Variants in FAM53A observed in about 807,000 individuals in gnomAD.
FAM53A encodes the protein family with sequence similarity 53 member A, also known as protein FAM53A.
FAM53A carries 28 observed loss-of-function variants against 26.6 expected under a neutral mutation model. That is an observed-to-expected ratio of 1.05 (90% CI 0.78 to 1.45). FAM53A has a LOEUF of 1.45. FAM53A is among the 40% of genes most tolerant of loss of function. The pLI, the probability that FAM53A is intolerant of heterozygous loss-of-function variation, is 0.00. For synonymous variants in FAM53A, 290 were observed against 253.1 expected, an observed-to-expected ratio of 1.15 and a Z score of -1.38; for missense variants, 650 against 575.8, an observed-to-expected ratio of 1.13 and a Z score of -1.32.
chr4:1,667,551 C>A (rs959236025), intron 2 of FAM53A, among the ~76,000 whole-genome samples: 14 of 152,246 alleles, frequency 9.2e-5, no homozygotes, highest in African/African-American at 3.1e-4. Context: ...ATGCCACCTC[C>A]CACAGCCCAA....
At chr4:1,585,486 A>G in the FAM53A span, among the ~76,000 whole-genome samples, 1 of 151,822 alleles carries the variant, frequency 6.6e-6, no homozygotes, top group Non-Finnish European at 1.5e-5. Flanking sequence ...GTTTCACCAC[A>G]TTGGCCAGGC....
At position 1,657,465 on chromosome 4, in the gene FAM53A, G is replaced by C. The variant is rs1445686561; in HGVS notation, c.79C>G (p.Gln27Glu). 2.5e-6 allele frequency: 4 copies of C among 1,613,680 alleles called. No individual in the cohort carries two copies. Among genetic ancestry groups the C allele is most frequent in the Non-Finnish European group, 3.4e-6 (4 of 1,179,804 alleles). Residue 27 changes from glutamine (Q) to glutamate (E), a missense_variant, in exon 3 of 5, where the codon CAG becomes GAG. Gln to Glu is a conservative substitution (Grantham distance 29). Transcript: ENST00000308132. ...LTCKAEAGPL[Q>E]YSAETLNKSG... Reference sequence around the variant, plus strand: ...TTGTTCAGGGTTTCCGCAGAATACTGCAACTGACAGGAAAGAGAAGTTTCA... The same window carrying C: ...TTGTTCAGGGTTTCCGCAGAATACTCCAACTGACAGGAAAGAGAAGTTTCA...
At chr4:1,653,251 G>A (rs1183753037) in intron 4 of FAM53A, among the ~76,000 whole-genome samples, 1 of 152,138 alleles carries the variant, frequency 6.6e-6, no homozygotes, top group Non-Finnish European at 1.5e-5. Flanking sequence ...GGTCTGGCGA[G>A]TCCTTGCCTC....
the FAM53A span, among the ~76,000 whole-genome samples, chr4:1,610,927 G>A: frequency 6.6e-6 from 1 of 152,172 alleles, no homozygotes; most frequent in Non-Finnish European, 1.5e-5. Flanking sequence ...CAGCACACCC[G>A]AGGCCCTCAG....
At chr4:1,670,589 G>C (rs971042293) in intron 1 of FAM53A, among the ~76,000 whole-genome samples, 3 of 152,150 alleles carry the variant, frequency 2.0e-5, no homozygotes, top group Non-Finnish European at 1.5e-5. Flanking sequence ...CTGAAATCGC[G>C]TGCTCAGCAC....
At chr4:1,682,514 G>A (rs1429639201) in intron 1 of FAM53A, among the ~76,000 whole-genome samples, 2 of 152,084 alleles carry the variant, frequency 1.3e-5, no homozygotes, top group African/African-American at 4.8e-5. Flanking sequence ...GCCCGCCTCG[G>A]CCTCTCAAAG....
At chr4:1,576,382 C>T in the FAM53A span, among the ~76,000 whole-genome samples, 17 of 152,298 alleles carry the variant, frequency 1.1e-4, no homozygotes, top group African/African-American at 4.1e-4. Context: ...TATTCCATAA[C>T]CGTGATTTGA....
the FAM53A span, among the ~76,000 whole-genome samples, chr4:1,579,429 C>A: frequency 2.6e-5 from 4 of 152,100 alleles, no homozygotes; most frequent in African/African-American, 7.2e-5. Flanking sequence ...CCTGCGCCAC[C>A]CCCCCGCCCT....
At chr4:1,637,256 C>T (rs1180027100), downstream of FAM53A, among the ~76,000 whole-genome samples, 4 of 152,246 alleles carry the variant, frequency 2.6e-5, no homozygotes, top group Admixed American at 6.5e-5. Flanking sequence ...TAGACAAGCA[C>T]GGGGCCTGTG....
At chr4:1,644,406 A>C (rs1259884329) in intron 4 of FAM53A, 1 of 1,513,090 alleles carries the variant, frequency 6.6e-7, no homozygotes, top group Non-Finnish European at 8.8e-7. Context: ...AGGAGAAAAA[A>C]CTTCTGCCCA....
chr4:1,598,365 G>A, the FAM53A span, among the ~76,000 whole-genome samples: 17 of 152,256 alleles, frequency 1.1e-4, no homozygotes, highest in Non-Finnish European at 2.4e-4. Context: ...TTGGCCCGGA[G>A]GGGCACGGAC....
intron 1 of FAM53A, among the ~76,000 whole-genome samples, chr4:1,633,582 G>A (rs909850911): frequency 6.6e-6 from 1 of 152,076 alleles, no homozygotes; most frequent in Non-Finnish European, 1.5e-5. Context: ...TGAAGATAAA[G>A]GCAGAATTAA....
chr4:1,599,045 C>T, the FAM53A span, among the ~76,000 whole-genome samples: 1 of 152,254 alleles, frequency 6.6e-6, no homozygotes, highest in Admixed American at 6.5e-5. This position sits in a 1 kb window ranked among gnomAD's most constrained non-coding sequence, Gnocchi z 6.1. Flanking sequence ...TCCCTCCTGG[C>T]CTGGCAGACC....
chr4:1,672,749 C>A (rs1482570886), intron 1 of FAM53A, among the ~76,000 whole-genome samples: 2 of 140,420 alleles, frequency 1.4e-5, no homozygotes, highest in African/African-American at 5.4e-5. Context: ...AACACAGGAA[C>A]CTGAATTTCC....
chr4:1,593,271 C>T, the FAM53A span, among the ~76,000 whole-genome samples: 1 of 151,938 alleles, frequency 6.6e-6, no homozygotes, highest in African/African-American at 2.4e-5. Context: ...GCACCCACGT[C>T]CCCGCGCGCC....
chr4:1,614,162 C>T (rs544811351), downstream of FAM53A, among the ~76,000 whole-genome samples: 7 of 152,296 alleles, frequency 4.6e-5, no homozygotes, highest in South Asian at 1.5e-3. Flanking sequence ...CCGGCAAGGA[C>T]AGGAGGATTG....
chr4:1,640,497 C>G lies in FAM53A; in HGVS notation c.*796G>C. 1 of 301,870 alleles carries G rather than the reference C, an allele frequency of 3.3e-6. No homozygotes were observed. The highest frequency in any genetic ancestry group is 6.2e-6 in the Non-Finnish European group (1 of 160,798). 18.7% of individuals were successfully genotyped at this position (301,870 alleles called of 1,614,324 possible). On this transcript the variant is annotated 3_prime_UTR_variant, in exon 5 of 5. Transcript: ENST00000308132. ...GATTCATGTTTAATAGAACGCCCTTCTGAAATGCATCCAAAATAGAGAAGC... is the reference window on the plus strand; with the variant it reads ...GATTCATGTTTAATAGAACGCCCTTGTGAAATGCATCCAAAATAGAGAAGC...
the FAM53A span, among the ~76,000 whole-genome samples, chr4:1,597,519 T>C: frequency 2.0e-5 from 3 of 152,306 alleles, no homozygotes; most frequent in African/African-American, 7.2e-5. Context: ...GTGTGCCCCC[T>C]GCCTGCTCCA....
chr4:1,575,656 G>T, the FAM53A span, among the ~76,000 whole-genome samples: 1 of 152,106 alleles, frequency 6.6e-6, no homozygotes, highest in African/African-American at 2.4e-5. Flanking sequence ...ATACTGAGTG[G>T]CAGAGGAAGG....
Sources: allele counts gnomAD v4.1 joint callset (sites outside exome capture counted in the v4.1 genomes callset), GRCh38; gene constraint gnomAD v4.1.1; non-coding constraint Gnocchi (gnomAD v3.1); transcripts MANE v1.5; gene names NCBI Gene and HGNC (gene_info 2026-07-23, HGNC 2026-07-21).